The following CENPF variants were observed in gnomAD, a reference collection of about 807,000 sequenced individuals.
The protein encoded by CENPF is centromere protein F, also known as AH antigen.
In CENPF, 214 loss-of-function variants were observed where a neutral mutation model predicts 307.3. The observed-to-expected ratio is 0.70, with a 90% CI of 0.62 to 0.78. The LOEUF (loss-of-function observed/expected upper bound fraction) is 0.78. Ranked by LOEUF, CENPF falls within the 30% of genes least tolerant of loss-of-function variation. The pLI, the probability that CENPF is intolerant of heterozygous loss-of-function variation, is 0.00. For missense variants in CENPF, 3,401 were observed against 3,483.9 expected, an observed-to-expected ratio of 0.98 and a Z score of 0.60; for synonymous variants, 1,259 against 1,270.6, an observed-to-expected ratio of 0.99 and a Z score of 0.19.
chr1:214,617,285 T>C (rs1240445217), intron 3 of CENPF, among the ~76,000 whole-genome samples: 3 of 152,126 alleles, frequency 2.0e-5, no homozygotes, highest in Non-Finnish European at 4.4e-5. Context: ...TGACCTCAGG[T>C]TATCTGCCCG....
In CENPF at chr1:214,646,407, A is replaced by C. The variant is rs749275977; in HGVS notation, c.6837A>C (p.Gln2279His). 1 of 1,614,140 alleles carries C rather than the reference A, an allele frequency of 6.2e-7. No individual in the cohort carries two copies. The highest frequency in any genetic ancestry group is 1.1e-5 in the South Asian group (1 of 91,082). ...NEAVAALCGDQEIMKATEQSL... is the reference protein window; with the variant it reads ...NEAVAALCGDHEIMKATEQSL... Reference sequence around the variant, plus strand: ...CAGTAGCAGCCTTGTGTGGTGACCAAGAAATTATGAAGGCCACAGAACAGA... The same window carrying C: ...CAGTAGCAGCCTTGTGTGGTGACCACGAAATTATGAAGGCCACAGAACAGA... Residue 2279 changes from glutamine (Q) to histidine (H), a missense_variant, in exon 13 of 20, where the codon CAA becomes CAC. Transcript: ENST00000366955.
Position 214,645,482 on chromosome 1 carries a change from C to T in CENPF, c.5912C>T (p.Ser1971Leu), listed in dbSNP as rs748576776. Reference protein sequence around the residue: ...NQLRGELDTMSKKTTALDQLS... With the variant: ...NQLRGELDTMLKKTTALDQLS... Reference sequence around the variant, plus strand: ...CTTCGTGGAGAATTAGATACTATGTCAAAAAAAACCACGGCACTGGATCAG... The same window carrying T: ...CTTCGTGGAGAATTAGATACTATGTTAAAAAAAACCACGGCACTGGATCAG... Residue 1971 changes from serine (S) to leucine (L), a missense_variant, in exon 13 of 20, where the codon TCA becomes TTA. Physicochemically the swap from Ser to Leu is moderately radical, Grantham distance 145. Transcript: ENST00000366955. 1.7e-5 allele frequency: 27 copies of T among 1,611,478 alleles called. No individual in the cohort carries two copies. The highest frequency in any genetic ancestry group is 2.2e-5 in the Non-Finnish European group (26 of 1,179,310).
At chr1:214,608,342 C>A in intron 1 of CENPF, 3 of 1,607,716 alleles carry the variant, frequency 1.9e-6, no homozygotes, top group Non-Finnish European at 2.5e-6. Flanking sequence ...CAGGCGGCGT[C>A]GATGTCGGCA....
At chr1:214,639,890 A>G in intron 11 of CENPF, 31 bp from the exon 12 acceptor site, 1 of 1,436,298 alleles carries the variant, frequency 7.0e-7, no homozygotes, top group Non-Finnish European at 9.2e-7. Flanking sequence ...TTTATTACAA[A>G]CATTGACGAC....
Position 214,657,066 on chromosome 1 carries a change from G to A in CENPF, c.8619G>A (p.Lys2873=), listed in dbSNP as rs780591031. 1 of 1,614,178 alleles carries A rather than the reference G, an allele frequency of 6.2e-7. No individual in the cohort carries two copies. The highest frequency in any genetic ancestry group is 8.5e-7 in the Non-Finnish European group (1 of 1,180,020). The change falls in exon 18 of 20, where the codon AAG becomes AAA. Residue 2873 remains lysine (K), a synonymous_variant. Coordinates refer to ENST00000366955, the MANE Select transcript of CENPF (RefSeq NM_016343.4). ...GTTCCTTGCTTATAAGCCATGAAAA[G>A]TTAGAGAAAGCTAAAGAGATGTTAG... ...KYCSLLISHE[K]LEKAKEMLET... is the part of the protein sequence containing the mutation.
intron 1 of CENPF, among the ~76,000 whole-genome samples, chr1:214,609,899 T>A (rs769331963): frequency 5.3e-5 from 8 of 152,206 alleles, no homozygotes; most frequent in Non-Finnish European, 8.8e-5. Flanking sequence ...TGCATAGTAT[T>A]CCATGGTATA....
rs913625849 is a variant in CENPF at position 214,652,755 on chromosome 1, TCTGA to T, written c.8161-70_8161-67del. The T allele has an allele frequency of 1.5e-5, 21 of 1,376,104 alleles. No individual in the cohort carries two copies. In the East Asian group the frequency reaches 1.9e-4, roughly 12 times the overall value. 85.2% of individuals were successfully genotyped at this position (1,376,104 alleles called of 1,614,324 possible). On this transcript the variant is annotated intron_variant, in intron 15 of 19. Coordinates refer to ENST00000366955, the MANE Select transcript of CENPF (RefSeq NM_016343.4). Reference sequence around the variant, plus strand: ...ACTGCGCCCAGCTGTTTTTTGTTTTTCTGACTATTTTTTTTTAGCTGTGCCTCCT... The same window carrying T: ...ACTGCGCCCAGCTGTTTTTTGTTTTTCTATTTTTTTTTAGCTGTGCCTCCT...
chr1:214,608,392 T>C (rs1403901318), intron 1 of CENPF: 2 of 1,613,304 alleles, frequency 1.2e-6, no homozygotes, highest in African/African-American at 2.7e-5. Context: ...GCTGGCACCG[T>C]AGCCGGAGTA....
Position 214,642,850 on chromosome 1 carries a change from A to AG in CENPF, c.4513dup (p.Asp1505GlyfsTer7). ...ACAGAGCTCTTTTAGAACAGACAGGAGATATGTCTCTTTTGAGTAATTTAG... is the reference window on the plus strand; with the variant it reads ...ACAGAGCTCTTTTAGAACAGACAGGAGGATATGTCTCTTTTGAGTAATTTAG... On this transcript the variant is annotated frameshift_variant, in exon 12 of 20. Transcript: ENST00000366955. LOFTEE classifies it high-confidence loss of function. 1 of 1,614,048 alleles carries AG rather than the reference A, an allele frequency of 6.2e-7. No homozygotes were observed. The highest frequency in any genetic ancestry group is 1.1e-5 in the South Asian group (1 of 91,072).
intron 7 of CENPF, among the ~76,000 whole-genome samples, chr1:214,623,702 A>G (rs1657577326): frequency 6.6e-6 from 1 of 152,004 alleles, no homozygotes; most frequent in South Asian, 2.1e-4. Context: ...ACTGTTCCAG[A>G]CCTGGGGCTG....
In CENPF at chr1:214,642,208, G is replaced by T; in HGVS notation, c.3870G>T (p.Gln1290His). Residue 1290 changes from glutamine (Q) to histidine (H), a missense_variant, in exon 12 of 20, where the codon CAG becomes CAT. Physicochemically the swap from Gln to His is conservative, Grantham distance 24 (BLOSUM62 0). Coordinates refer to ENST00000366955, the MANE Select transcript of CENPF (RefSeq NM_016343.4). Reference sequence around the variant, plus strand: ...GTCAAAACGACAATGCACACCTTCAGTGCTCTCTGCAAACAACAATGAACA... The same window carrying T: ...GTCAAAACGACAATGCACACCTTCATTGCTCTCTGCAAACAACAATGAACA... ...STSQNDNAHL[Q>H]CSLQTTMNKL... 1 of 1,614,154 alleles carries T rather than the reference G, an allele frequency of 6.2e-7. No individual in the cohort carries two copies. The highest frequency in any genetic ancestry group is 2.2e-5 in the East Asian group (1 of 44,860).
chr1:214,648,090 A>G (rs1327619670), intron 13 of CENPF: 1 of 382,530 alleles, frequency 2.6e-6, no homozygotes, highest in African/African-American at 2.1e-5. Context: ...TTCTTGCTGA[A>G]CAAATATTAA....
At position 214,620,743 on chromosome 1, in the gene CENPF, A is replaced by G; in HGVS notation, c.662A>G (p.Gln221Arg). The G allele has an allele frequency of 6.2e-7, 1 of 1,614,194 alleles. No individual in the cohort carries two copies. Among genetic ancestry groups the G allele is most frequent in the Non-Finnish European group, 8.5e-7 (1 of 1,180,022 alleles). Reference protein sequence around the residue: ...QASSSVFSWQQEKTPSHLSSN... With the variant: ...QASSSVFSWQREKTPSHLSSN... ...TCATCATCTGTGTTCTCATGGCAGC[A>G]AGAGAAGACCCCAAGTCATCTTTCA... The change falls in exon 6 of 20, where the codon CAA (glutamine) becomes CGA (arginine). Residue 221 changes from glutamine (Q) to arginine (R), a missense_variant. Coordinates refer to ENST00000366955, the MANE Select transcript of CENPF (RefSeq NM_016343.4).
Position 214,664,104 on chromosome 1 carries a change from A to T in CENPF, c.*310A>T, listed in dbSNP as rs368338293. Reference sequence around the variant, plus strand: ...GCACTATATCACAATCTCTGTTTGTATGTGGGTTTTACACTAAAAAAATGC... The same window carrying T: ...GCACTATATCACAATCTCTGTTTGTTTGTGGGTTTTACACTAAAAAAATGC... On this transcript the variant is annotated 3_prime_UTR_variant, in exon 20 of 20. Transcript: ENST00000366955. The T allele has an allele frequency of 1.4e-5, 3 of 214,264 alleles. No individual in the cohort carries two copies. The highest frequency in any genetic ancestry group is 5.5e-5 in the Admixed American group (1 of 18,118). The allele number at this position is 214,264 out of a possible 1,614,324, so 13.3% of individuals were successfully genotyped here.
intron 7 of CENPF, among the ~76,000 whole-genome samples, chr1:214,624,908 G>T (rs551784313): frequency 1.2e-3 from 188 of 152,052 alleles, no homozygotes; most frequent in Non-Finnish European, 1.7e-3. Context: ...ACTGTGATTT[G>T]TCTGTTTCTC....
At chr1:214,608,869 C>T in intron 1 of CENPF, 1 of 1,494,778 alleles carries the variant, frequency 6.7e-7, no homozygotes, top group Non-Finnish European at 8.8e-7. Flanking sequence ...CAGGCCCCCA[C>T]CGGGGCCCCA....
chr1:214,608,697 G>A (rs1657109012), intron 1 of CENPF: 13 of 1,593,734 alleles, frequency 8.2e-6, no homozygotes, highest in Middle Eastern at 4.5e-4. Context: ...GGGCGGCCCC[G>A]GCCCCACCAG....
chr1:214,652,834 G>A lies in CENPF; in HGVS notation c.8167G>A (p.Val2723Ile). The A allele has an allele frequency of 6.3e-7, 1 of 1,582,290 alleles. No individual in the cohort carries two copies. Among genetic ancestry groups the A allele is most frequent in the Middle Eastern group, 1.7e-4 (1 of 5,798 alleles). The change falls in exon 16 of 20, where the codon GTA becomes ATA. Residue 2723 changes from valine to isoleucine, a missense_variant. Transcript: ENST00000366955. ...LLLDTNKQYE[V>I]EIQTYREKLT... ...TTTGTTTGTTTTGCTCTAGTATGAA[G>A]TAGAAATCCAGACATACCGAGAGAA...
chr1:214,639,975 A>C lies in CENPF; in HGVS notation c.1637A>C (p.Gln546Pro), dbSNP rs1370183252. 1.3e-6 allele frequency: 2 copies of C among 1,569,436 alleles called. No homozygotes were observed. The highest frequency in any genetic ancestry group is 2.8e-5 in the African/African-American group (2 of 72,110). Residue 546 changes from glutamine (Q) to proline (P), a missense_variant, in exon 12 of 20, where the codon CAG becomes CCG. Gln to Pro is a moderately conservative substitution (Grantham distance 76). Coordinates refer to ENST00000366955, the MANE Select transcript of CENPF (RefSeq NM_016343.4). Reference sequence around the variant, plus strand: ...AGAGATCTTCAAGAAAAAATAAATCAGCAAGAAAACTCCTTGACTTTAGAA... The same window carrying C: ...AGAGATCTTCAAGAAAAAATAAATCCGCAAGAAAACTCCTTGACTTTAGAA... ...MLRDLQEKINQQENSLTLEKL... is the reference protein window; with the variant it reads ...MLRDLQEKINPQENSLTLEKL...
Sources: allele counts gnomAD v4.1 joint callset (sites outside exome capture counted in the v4.1 genomes callset), GRCh38; gene constraint gnomAD v4.1.1; transcripts MANE v1.5; gene names NCBI Gene and HGNC (gene_info 2026-07-23, HGNC 2026-07-21).